The following DSCAM variants were observed in gnomAD, a reference collection of about 807,000 sequenced individuals.
DSCAM encodes cell adhesion molecule DSCAM.
A neutral mutation model predicts 217.7 loss-of-function variants in DSCAM; 47 were observed. The observed-to-expected ratio is 0.22, with a 90% CI of 0.17 to 0.28. The LOEUF (loss-of-function observed/expected upper bound fraction) is 0.28. Among genes scored for constraint, DSCAM ranks in the 10% least tolerant of loss-of-function variants. The pLI is 1.00. For synonymous variants in DSCAM, 1,056 were observed against 1,015.3 expected (o/e 1.04, Z -0.76); for missense variants, 2,080 against 2,618.3 (o/e 0.79, Z 4.49).
intron 4 of DSCAM, among the ~76,000 whole-genome samples, chr21:40,368,291 T>G (rs1456199736): frequency 6.6e-6 from 1 of 152,208 alleles, no homozygotes; most frequent in Admixed American, 6.5e-5. Flanking sequence ...AAAGCTATCA[T>G]GGACTAAGAT....
chr21:40,346,441 A>G (rs776438527), intron 6 of DSCAM, among the ~76,000 whole-genome samples: 22 of 152,350 alleles, frequency 1.4e-4, no homozygotes, highest in Middle Eastern at 3.4e-3. Context: ...TTACTTTCAC[A>G]TATTAGTGTG....
chr21:40,084,523 C>CACAA (rs2089505939), intron 23 of DSCAM, among the ~76,000 whole-genome samples: 1 of 63,040 alleles, frequency 1.6e-5, no homozygotes, highest in African/African-American at 4.7e-5. Flanking sequence ...CACACACACA[C>CACAA]ACACACACAC....
At chr21:40,544,040 T>C (rs191860224) in intron 3 of DSCAM, among the ~76,000 whole-genome samples, 1 of 152,142 alleles carries the variant, frequency 6.6e-6, no homozygotes, top group Admixed American at 6.5e-5. Flanking sequence ...TCAGTGTGAG[T>C]TGGGTTTAAC....
chr21:40,347,690 T>C lies in DSCAM; in HGVS notation c.1190A>G (p.Tyr397Cys), dbSNP rs1210411359. Residue 397 changes from tyrosine to cysteine, a missense_variant, in exon 6 of 33, where the codon TAT becomes TGT. Tyr to Cys is a radical substitution (Grantham distance 194). Around this residue, in one of 5 missense-constraint regions of DSCAM, gnomAD observed 568 missense variants for 678.1 expected, o/e 0.84. Coordinates refer to ENST00000400454, the MANE Select transcript of DSCAM (RefSeq NM_001389.5). ...VRKDKLSAQD[Y>C]VQVVLEDGTP... ...CTGACCTTCAAGGACCACCTGCACATAGTCTTGAGCGGACAGCTTGTCCTT... is the reference window on the plus strand; with the variant it reads ...CTGACCTTCAAGGACCACCTGCACACAGTCTTGAGCGGACAGCTTGTCCTT... 3 of 1,614,002 alleles carry C rather than the reference T, an allele frequency of 1.9e-6. No individual in the cohort carries two copies. Among genetic ancestry groups the C allele is most frequent in the South Asian group, 2.2e-5 (2 of 91,082 alleles).
intron 6 of DSCAM, among the ~76,000 whole-genome samples, chr21:40,344,434 C>T (rs1263966713): frequency 2.6e-5 from 4 of 152,112 alleles, no homozygotes; most frequent in Middle Eastern, 3.2e-3. Context: ...ATGTGCAGGG[C>T]TGCTGACATT....
chr21:40,042,762 T>C (rs1407102114), intron 31 of DSCAM, 89 bp from the exon 32 acceptor site: 1 of 1,298,928 alleles, frequency 7.7e-7, no homozygotes, highest in Non-Finnish European at 1.0e-6. Context: ...GGGGCTGTTT[T>C]CTTCCAGATC....
intron 30 of DSCAM, among the ~76,000 whole-genome samples, chr21:40,046,512 T>C (rs1242959697): frequency 6.6e-6 from 1 of 152,112 alleles, no homozygotes; most frequent in African/African-American, 2.4e-5. Flanking sequence ...TTCACCGAAA[T>C]GCTAGGAAAG....
Position 40,013,316 on chromosome 21 carries a change from G to A in DSCAM, c.5757C>T (p.Ser1919=). The change falls in exon 33 of 33, where the codon AGC becomes AGT. Residue 1919 remains serine, a synonymous_variant. Coordinates refer to ENST00000400454, the MANE Select transcript of DSCAM (RefSeq NM_001389.5). ...FLLNRGGPGT[S]RDLSLGQACL... ...ATGCTTGTCCTAAGCTCAGGTCCCTGCTGGTGCCTGGACCACCTCGGTTTA... is the reference window on the plus strand; with the variant it reads ...ATGCTTGTCCTAAGCTCAGGTCCCTACTGGTGCCTGGACCACCTCGGTTTA... 6.2e-7 allele frequency: 1 copy of A among 1,610,940 alleles called. No homozygotes were observed. Among genetic ancestry groups the A allele is most frequent in the Non-Finnish European group, 8.5e-7 (1 of 1,178,678 alleles).
chr21:40,702,160 C>G (rs927286951), intron 2 of DSCAM, among the ~76,000 whole-genome samples: 1 of 152,124 alleles, frequency 6.6e-6, no homozygotes. Context: ...TCACCTCCCC[C>G]CTTTACATTA....
At position 40,012,882 on chromosome 21, in the gene DSCAM, A is replaced by T; in HGVS notation, c.*152T>A. 1.8e-6 allele frequency: 1 copy of T among 557,788 alleles called. No homozygotes were observed. Among genetic ancestry groups the T allele is most frequent in the Non-Finnish European group, 2.7e-6 (1 of 363,972 alleles). The allele number at this position is 557,788 out of a possible 1,614,324, so 34.6% of individuals were successfully genotyped here. A position where few individuals can be genotyped will look rare whatever the true frequency, so the allele number is the denominator to read the frequency against. ...AGAAAAAAAGCAGGAGAGTCTTTGC[A>T]CTGTCTGTGGTTTCAGTATTTTCTC... On this transcript the variant is annotated 3_prime_UTR_variant, in exon 33 of 33. Coordinates refer to ENST00000400454, the MANE Select transcript of DSCAM (RefSeq NM_001389.5).
chr21:40,781,743 T>C (rs949483507), intron 1 of DSCAM, among the ~76,000 whole-genome samples: 1 of 152,106 alleles, frequency 6.6e-6, no homozygotes, highest in Admixed American at 6.5e-5. Context: ...CCATTATTGC[T>C]TCTCAACAGA....
At position 40,766,349 on chromosome 21, in the gene DSCAM, T is replaced by TTTTTTTTCC. The variant is rs529735263; in HGVS notation, c.44-57579_44-57578insGGAAAAAAA. Among the ~76,000 whole-genome samples, 796 of 152,204 alleles carry TTTTTTTTCC rather than the reference T, an allele frequency of 5.2e-3. 6 individuals are homozygous for TTTTTTTTCC. The highest frequency in any genetic ancestry group is 0.018 in the African/African-American group (758 of 41,508). ...TATGTGTGTATATATATATATATTT[T>TTTTTTTTCC]CAAAGGATTAAATACATATCCTTAA... On this transcript the variant is annotated intron_variant, in intron 1 of 32. Transcript: ENST00000400454.
At chr21:40,700,180 A>G (rs2090639959) in intron 2 of DSCAM, among the ~76,000 whole-genome samples, 1 of 152,268 alleles carries the variant, frequency 6.6e-6, no homozygotes, top group Admixed American at 6.5e-5. Context: ...GGGTCACAGC[A>G]CATCTTCTTA....
chr21:40,467,489 T>C (rs1190486118), intron 3 of DSCAM, among the ~76,000 whole-genome samples: 1 of 152,314 alleles, frequency 6.6e-6, no homozygotes, highest in East Asian at 1.9e-4. Flanking sequence ...TTTCTAAAAG[T>C]ACGTATTTAG....
intron 3 of DSCAM, among the ~76,000 whole-genome samples, chr21:40,548,558 C>T (rs1404340340): frequency 1.3e-5 from 2 of 151,478 alleles, no homozygotes; most frequent in Non-Finnish European, 1.5e-5. Flanking sequence ...ATTTGTATTT[C>T]CTTTTCTAAA....
At chr21:40,363,791 G>A (rs149544272) in intron 4 of DSCAM, among the ~76,000 whole-genome samples, 9,668 of 152,120 alleles carry the variant, frequency 0.064, 375 homozygotes, top group East Asian at 0.2. Flanking sequence ...CTGACAAAGG[G>A]CTAATATCCA....
chr21:40,430,487 T>G (rs2075520153), intron 3 of DSCAM, among the ~76,000 whole-genome samples: 1 of 152,194 alleles, frequency 6.6e-6, no homozygotes. Context: ...GGCTGGATGC[T>G]TCCTGCTCTC....
chr21:40,344,367 C>T (rs955714922), intron 6 of DSCAM, among the ~76,000 whole-genome samples: 6 of 152,034 alleles, frequency 3.9e-5, no homozygotes, highest in African/African-American at 1.4e-4. Flanking sequence ...TATCTATATC[C>T]TGTAGATATA....
intron 3 of DSCAM, among the ~76,000 whole-genome samples, chr21:40,429,032 C>T (rs1031835485): frequency 6.6e-6 from 1 of 151,434 alleles, no homozygotes; most frequent in Non-Finnish European, 1.5e-5. Flanking sequence ...AGGCTCTGAG[C>T]TTGCTAGGCA....
Sources: gnomAD v4.1 joint callset for allele counts (sites outside exome capture counted in the v4.1 genomes callset) on GRCh38, gnomAD v4.1.1 for gene constraint, gnomAD v4.1.1 regional missense constraint, MANE v1.5 for transcripts, NCBI Gene and HGNC (gene_info 2026-07-23, HGNC 2026-07-21) for gene names.